Variants in BTN3A1 observed in about 807,000 individuals in gnomAD.
The protein encoded by BTN3A1 is dJ45P21.3 (butyrophilin, subfamily 3, member A1).
Under a neutral mutation model 43.0 loss-of-function variants are expected in BTN3A1, and 24 were observed. That is an observed-to-expected ratio of 0.56 (90% CI 0.40 to 0.78). The LOEUF is 0.78. BTN3A1 is among the 30% of genes least tolerant of loss of function. The pLI, the probability that BTN3A1 is intolerant of heterozygous loss-of-function variation, is 0.00. For synonymous variants in BTN3A1, 181 were observed against 234.7 expected (o/e 0.77, Z 2.09); for missense variants, 533 against 626.2 (o/e 0.85, Z 1.59).
intron 9 of BTN3A1, chr6:26,412,164 A>C (rs759861293): frequency 4.7e-6 from 2 of 423,956 alleles, no homozygotes; most frequent in Non-Finnish European, 8.5e-6. Flanking sequence ...GGTTAAGGGA[A>C]AGCAACAAGG....
rs540919899 is a variant in BTN3A1 at position 26,405,904 on chromosome 6, T to G, written c.86-5T>G. 220 of 1,613,690 alleles carry G rather than the reference T, an allele frequency of 1.4e-4. 1 individual carries two copies. The highest frequency in any genetic ancestry group is 8.3e-4 in the Middle Eastern group (5 of 6,056). On this transcript the variant is annotated splice_region_variant and splice_polypyrimidine_tract_variant and intron_variant, in intron 2 of 9. Transcript: ENST00000289361. ...TCTGACAGATCCTCCCCCTTGTGCCTACAGCTCAGTTTTCTGTGCTTGGAC... is the reference window on the plus strand; with the variant it reads ...TCTGACAGATCCTCCCCCTTGTGCCGACAGCTCAGTTTTCTGTGCTTGGAC...
At chr6:26,403,021 G>A (rs143664732) in intron 1 of BTN3A1, among the ~76,000 whole-genome samples, 2 of 152,160 alleles carry the variant, frequency 1.3e-5, no homozygotes, top group East Asian at 1.9e-4. Context: ...CAAACCTAAC[G>A]AATGCTATCC....
chr6:26,410,746 C>CAT (rs1762181544), intron 7 of BTN3A1, among the ~76,000 whole-genome samples: 2 of 149,096 alleles, frequency 1.3e-5, no homozygotes, highest in South Asian at 4.2e-4. Flanking sequence ...CACATATATA[C>CAT]ATATATACAC....
intron 4 of BTN3A1, among the ~76,000 whole-genome samples, chr6:26,408,754 G>A (rs1762104808): frequency 6.6e-6 from 1 of 152,186 alleles, no homozygotes; most frequent in Admixed American, 6.5e-5. Context: ...GAACTTTCAT[G>A]CAATGGATAC....
Position 26,405,446 on chromosome 6 carries a change from G to A in BTN3A1, c.-118G>A, listed in dbSNP as rs187706431. ...TTTTGGCAGAGGAAAGATCTTCTTC[G>A]GTCACCATACTTGAGTTAGCTCTAG... On this transcript the variant is annotated 5_prime_UTR_variant, in exon 2 of 10. Coordinates refer to ENST00000289361, the MANE Select transcript of BTN3A1 (RefSeq NM_007048.6). 5.1e-4 allele frequency: 487 copies of A among 954,948 alleles called. 2 individuals carry two copies. The African/African-American group carries it at 6.2e-3, about 12-fold the overall frequency. 59.2% of individuals were successfully genotyped at this position (954,948 alleles called of 1,614,324 possible).
intron 4 of BTN3A1, among the ~76,000 whole-genome samples, chr6:26,408,328 C>T (rs1762091929): frequency 6.6e-6 from 1 of 152,040 alleles, no homozygotes. Flanking sequence ...AAAATTTTAA[C>T]AAAGGTCATA....
chr6:26,404,813 G>T (rs925129203), intron 1 of BTN3A1, among the ~76,000 whole-genome samples: 4 of 152,200 alleles, frequency 2.6e-5, no homozygotes, highest in African/African-American at 9.7e-5. Context: ...AGTAAATAAA[G>T]TTGCAATGGT....
rs183295510 is a variant in BTN3A1 at position 26,414,409 on chromosome 6, G to A, written c.*717G>A. The A allele has an allele frequency of 1.3e-3, 193 of 154,084 alleles. No individual in the cohort carries two copies. The highest frequency in any genetic ancestry group is 4.4e-3 in the African/African-American group (183 of 41,550). The allele number at this position is 154,084 out of a possible 1,614,324, so 9.5% of individuals were successfully genotyped here. On this transcript the variant is annotated 3_prime_UTR_variant, in exon 10 of 10. Transcript: ENST00000289361. ...CCTGTTGACTCCTTCCCAGCTGATT[G>A]TCAGAGCCTTAGACCCAGCACGCCT... is the stretch of plus-strand genomic sequence containing the variant.
At chr6:26,405,746 A>T (rs1162620250) in intron 2 of BTN3A1, 98 bp downstream of exon 2, 2 of 1,579,448 alleles carry the variant, frequency 1.3e-6, no homozygotes, top group Non-Finnish European at 1.7e-6. Flanking sequence ...GTCCATCCCG[A>T]TCTGAAGGTT....
rs370037973 is a variant in BTN3A1 at position 26,405,331 on chromosome 6, C to T, written c.-192-41C>T. The T allele has an allele frequency of 5.4e-5, 32 of 591,764 alleles. 1 individual carries two copies. The highest frequency in any genetic ancestry group is 8.4e-4 in the Middle Eastern group (2 of 2,378). 36.7% of individuals were successfully genotyped at this position (591,764 alleles called of 1,614,324 possible). On this transcript the variant is annotated intron_variant, in intron 1 of 9. Coordinates refer to ENST00000289361, the MANE Select transcript of BTN3A1 (RefSeq NM_007048.6). The stretch of plus-strand genomic sequence containing the variant: ...AACAGTACAGTGAGGATTTTCTGAT[C>T]GAATAACAGATGTGCATTTCACATA...
At chr6:26,405,271 A>C (rs1323265354) in intron 1 of BTN3A1, 101 bp from the exon 2 acceptor site, 4 of 448,426 alleles carry the variant, frequency 8.9e-6, no homozygotes, top group African/African-American at 2.0e-5. Flanking sequence ...TGGCAGGGGA[A>C]GTTTGGGGAA....
chr6:26,411,598 G>T lies in BTN3A1; in HGVS notation c.1018+17G>T. On this transcript the variant is annotated intron_variant, in intron 9 of 9. Transcript: ENST00000289361. The stretch of plus-strand genomic sequence containing the variant: ...TCAAGCCTGGTGAGTAAATCACTGT[G>T]TGTTCCCTGGACCAACAACCTGAGG... 6.2e-7 allele frequency: 1 copy of T among 1,612,264 alleles called. No homozygotes were observed.
intron 7 of BTN3A1, 137 bp downstream of exon 7, chr6:26,410,169 A>G: frequency 9.2e-7 from 1 of 1,090,426 alleles, no homozygotes; most frequent in South Asian, 1.4e-5. Flanking sequence ...TAGATGTGCC[A>G]ATTCCTAGTC....
rs1762339293 is a variant in BTN3A1 at position 26,415,027 on chromosome 6, G to C, written c.*1335G>C. On this transcript the variant is annotated 3_prime_UTR_variant, in exon 10 of 10. Coordinates refer to ENST00000289361, the MANE Select transcript of BTN3A1 (RefSeq NM_007048.6). ...ATCCCGTTATGGACTCTGTCTCCAG[G>C]AGAGGGGTCTATCCACCCCTGCTCA... 6.6e-6 allele frequency: 1 copy of C among 152,146 alleles called. No individual in the cohort carries two copies. 9.4% of individuals were successfully genotyped at this position (152,146 alleles called of 1,614,324 possible).
rs1314802380 is a variant in BTN3A1 at position 26,407,657 on chromosome 6, T to G, written c.434-14T>G. The G allele has an allele frequency of 6.2e-7, 1 of 1,611,920 alleles. No individual in the cohort carries two copies. Among genetic ancestry groups the G allele is most frequent in the African/African-American group, 1.3e-5 (1 of 75,006 alleles). On this transcript the variant is annotated splice_polypyrimidine_tract_variant and intron_variant, in intron 3 of 9. Coordinates refer to ENST00000289361, the MANE Select transcript of BTN3A1 (RefSeq NM_007048.6). ...AGGCCTCTCAAGAATTTAGGCTAAT[T>G]CATCCTTCCACAGCACTGGGTTCTG...
intron 9 of BTN3A1, chr6:26,412,756 T>C (rs917505104): frequency 6.4e-7 from 1 of 1,551,402 alleles, no homozygotes; most frequent in Non-Finnish European, 8.7e-7. Flanking sequence ...ATTGGATGTA[T>C]GGAAAAATAG....
chr6:26,413,790 G>A lies in BTN3A1; in HGVS notation c.*98G>A. ...TAGCTAACGAAAGTGGGGAGCCTCA[G>A]GCTGAAGTAACTTTTCTCTGCTTCT... On this transcript the variant is annotated 3_prime_UTR_variant, in exon 10 of 10. Transcript: ENST00000289361. 6.2e-7 allele frequency: 1 copy of A among 1,600,120 alleles called. No homozygotes were observed. The highest frequency in any genetic ancestry group is 8.5e-7 in the Non-Finnish European group (1 of 1,179,172).
In BTN3A1 at chr6:26,413,977, G is replaced by A. The variant is rs1315471624; in HGVS notation, c.*285G>A. The A allele has an allele frequency of 6.7e-6, 3 of 450,232 alleles. No homozygotes were observed. Among genetic ancestry groups the A allele is most frequent in the Non-Finnish European group, 1.2e-5 (3 of 250,256 alleles). The allele number at this position is 450,232 out of a possible 1,614,324, so 27.9% of individuals were successfully genotyped here. ...CTTATTTTCCCCTTATACAGATAAG[G>A]AAACTGGGGTGCAGAAAAGTGAATT... On this transcript the variant is annotated 3_prime_UTR_variant, in exon 10 of 10. Coordinates refer to ENST00000289361, the MANE Select transcript of BTN3A1 (RefSeq NM_007048.6).
chr6:26,407,869 G>C lies in BTN3A1; in HGVS notation c.632G>C (p.Arg211Thr). 1 of 1,614,240 alleles carries C rather than the reference G, an allele frequency of 6.2e-7. No individual in the cohort carries two copies. Among genetic ancestry groups the C allele is most frequent in the South Asian group, 1.1e-5 (1 of 91,086 alleles). The stretch of plus-strand genomic sequence containing the variant: ...GCAGTAGCAGCATCTGTGATCATGA[G>C]AGGCAGCTCTGGGGAGGGTGTATCC... ...LYAVAASVIM[R>T]GSSGEGVSCT... is the part of the protein sequence containing the mutation. The change falls in exon 4 of 10, where the codon AGA becomes ACA. Residue 211 changes from arginine (R) to threonine (T), a missense_variant. Physicochemically the swap from Arg to Thr is moderately conservative, Grantham distance 71. Transcript: ENST00000289361.
Sources: allele counts gnomAD v4.1 joint callset (sites outside exome capture counted in the v4.1 genomes callset), GRCh38; gene constraint gnomAD v4.1.1; transcripts MANE v1.5; gene names NCBI Gene and HGNC (gene_info 2026-07-23, HGNC 2026-07-21).